Variants in KIF26B observed in about 807,000 individuals in gnomAD.
KIF26B encodes the protein kinesin-like protein KIF26B.
In KIF26B, 63 loss-of-function variants were observed where a neutral mutation model predicts 151.2. That is an observed-to-expected ratio of 0.42 (90% CI 0.34 to 0.51). The LOEUF (loss-of-function observed/expected upper bound fraction) is 0.51, where lower values mean the gene tolerates loss of function less well. Ranked by LOEUF, KIF26B falls within the 20% of genes least tolerant of loss-of-function variation. KIF26B has a pLI of 0.07. For missense variants in KIF26B, 2,813 were observed against 2,913.6 expected, an observed-to-expected ratio of 0.97 and a Z score of 0.79; for synonymous variants, 1,357 against 1,262.1, an observed-to-expected ratio of 1.08 and a Z score of -1.59.
intron 2 of KIF26B, among the ~76,000 whole-genome samples, chr1:245,249,896 T>A (rs1670410876): frequency 6.6e-6 from 1 of 152,198 alleles, no homozygotes; most frequent in South Asian, 2.1e-4. Context: ...AAGGCAACCT[T>A]ACCTAGATTA....
chr1:245,576,288 G>C (rs1188252410), intron 5 of KIF26B, among the ~76,000 whole-genome samples: 1 of 152,206 alleles, frequency 6.6e-6, no homozygotes, highest in Non-Finnish European at 1.5e-5. Context: ...CCATCTATAC[G>C]TGAAGTGTCA....
chr1:245,440,234 A>C (rs573314575), intron 4 of KIF26B, among the ~76,000 whole-genome samples: 1,704 of 152,012 alleles, frequency 0.011, 32 homozygotes, highest in African/African-American at 0.039. Flanking sequence ...AAAAAAAAAA[A>C]CTAAAAGGTT....
Position 245,442,566 on chromosome 1 carries a change from G to A in KIF26B, c.1166+22821G>A, listed in dbSNP as rs114339173. Among the ~76,000 whole-genome samples, 514 of 152,284 alleles carry A rather than the reference G, an allele frequency of 3.4e-3. 1 individual carries two copies. Among genetic ancestry groups the A allele is most frequent in the African/African-American group, 0.012 (481 of 41,532 alleles). On this transcript the variant is annotated intron_variant, in intron 4 of 14. Coordinates refer to ENST00000407071, the MANE Select transcript of KIF26B (RefSeq NM_018012.4). ...TGAGTCCTTTCTCAGGCAAAATCCG[G>A]TGGACAGCGGCTTTTAGCTTCAGCC... is the stretch of plus-strand genomic sequence containing the variant.
intron 2 of KIF26B, among the ~76,000 whole-genome samples, chr1:245,258,690 G>A (rs146562837): frequency 2.2e-4 from 34 of 152,244 alleles, no homozygotes; most frequent in African/African-American, 7.9e-4. Context: ...TGGGGTAACA[G>A]TACACTGGGG....
At chr1:245,555,846 G>T (rs951529019) in intron 5 of KIF26B, among the ~76,000 whole-genome samples, 1 of 152,114 alleles carries the variant, frequency 6.6e-6, no homozygotes, top group African/African-American at 2.4e-5. Context: ...TGAGGACTTG[G>T]GGGGGTTCAT....
At chr1:245,294,536 A>T (rs72761112) in intron 2 of KIF26B, among the ~76,000 whole-genome samples, 6,841 of 152,326 alleles carry the variant, frequency 0.045, 192 homozygotes, top group African/African-American at 0.075. Flanking sequence ...CCAGGTATGT[A>T]GCAGGCTTTT....
At chr1:245,217,034 C>A (rs940450386) in intron 2 of KIF26B, among the ~76,000 whole-genome samples, 2 of 152,212 alleles carry the variant, frequency 1.3e-5, no homozygotes, top group Non-Finnish European at 2.9e-5. Context: ...GCCTCAGAGG[C>A]ATCCCGCCCA....
rs1216854177 is a variant in KIF26B at position 245,358,005 on chromosome 1, C to A, written c.466-8829C>A. On this transcript the variant is annotated intron_variant, in intron 2 of 14. Transcript: ENST00000407071. This position sits in a 1 kb window ranked among gnomAD's most constrained non-coding sequence, Gnocchi z 4.1. ...CATCATAGCTCACTGCATCCTCAGCCTCCTGGGCTCAAGGGATCCTCCCAC... is the reference window on the plus strand; with the variant it reads ...CATCATAGCTCACTGCATCCTCAGCATCCTGGGCTCAAGGGATCCTCCCAC... 2.0e-5 allele frequency among the ~76,000 whole-genome samples: 3 copies of A among 152,166 alleles called. No homozygotes were observed. The highest frequency in any genetic ancestry group is 7.2e-5 in the African/African-American group (3 of 41,430).
rs756870869 is a variant in KIF26B at position 245,686,217 on chromosome 1, G to A, written c.3234G>A (p.Glu1078=). ...LGIASLSKTS[E]YKPPSSPSQR... is the part of the protein sequence containing the mutation. ...TCGCCAGCCTGTCCAAGACCTCGGA[G>A]TACAAGCCACCCAGCTCTCCTTCCC... is the stretch of plus-strand genomic sequence containing the variant. The change falls in exon 12 of 15, where the codon GAG becomes GAA. Residue 1078 remains glutamate (E), a synonymous_variant. Coordinates refer to ENST00000407071, the MANE Select transcript of KIF26B (RefSeq NM_018012.4). The surrounding 1 kb of genome is among the most constrained non-coding windows in gnomAD (Gnocchi z 5.6). The A allele has an allele frequency of 6.8e-6, 11 of 1,612,690 alleles. No individual in the cohort carries two copies. Among genetic ancestry groups the A allele is most frequent in the Middle Eastern group, 1.6e-4 (1 of 6,062 alleles).
chr1:245,194,209 C>T (rs991930548), intron 2 of KIF26B, among the ~76,000 whole-genome samples: 3 of 152,068 alleles, frequency 2.0e-5, no homozygotes, highest in Admixed American at 6.6e-5. Flanking sequence ...CCTAATTCAT[C>T]GTGGTGGCAC....
intron 2 of KIF26B, among the ~76,000 whole-genome samples, chr1:245,219,290 C>G (rs376768764): frequency 4.6e-5 from 7 of 151,874 alleles, no homozygotes; most frequent in African/African-American, 1.7e-4. Flanking sequence ...AGGTGCCCGC[C>G]ACCACGCGCA....
chr1:245,484,206 A>G, intron 4 of KIF26B, among the ~76,000 whole-genome samples: 1 of 151,820 alleles, frequency 6.6e-6, no homozygotes, highest in East Asian at 1.9e-4. Flanking sequence ...AAGTGTTAAT[A>G]ATGCTGGGTT....
chr1:245,434,533 C>T (rs75466872), intron 4 of KIF26B, among the ~76,000 whole-genome samples: 1,649 of 152,282 alleles, frequency 0.011, 37 homozygotes, highest in African/African-American at 0.038. Context: ...CCACTCCTTG[C>T]CACCTCATCA....
At chr1:245,595,949 T>C (rs2043332747) in intron 5 of KIF26B, among the ~76,000 whole-genome samples, 1 of 152,246 alleles carries the variant, frequency 6.6e-6, no homozygotes, top group East Asian at 1.9e-4. Flanking sequence ...TTTATTTGCA[T>C]AGAGGTGTTC....
chr1:245,507,409 G>A (rs780744451), intron 4 of KIF26B, among the ~76,000 whole-genome samples: 2 of 152,210 alleles, frequency 1.3e-5, no homozygotes, highest in Non-Finnish European at 2.9e-5. Context: ...ACAGGGAAGC[G>A]CTGGAGCATA....
chr1:245,510,576 T>TTCTCTCTCTCTC lies in KIF26B; in HGVS notation c.1167-30163_1167-30152dup, dbSNP rs4021193. Among the ~76,000 whole-genome samples, 247 of 134,088 alleles carry TTCTCTCTCTCTC rather than the reference T, an allele frequency of 1.8e-3. 4 individuals are homozygous for TTCTCTCTCTCTC. The highest frequency in any genetic ancestry group is 6.8e-3 in the African/African-American group (231 of 33,984). The allele number at this position is 134,088 out of a possible 152,430, so 88.0% of individuals were successfully genotyped here. A position where few individuals can be genotyped will look rare whatever the true frequency, so the allele number is the denominator to read the frequency against. ...TCTCGGCTGTCTCTTTTAGCAGAGC[T>TTCTCTCTCTCTC]TCTCTCTCTCTCTCTCTCTCTCTCT... On this transcript the variant is annotated intron_variant, in intron 4 of 14. Transcript: ENST00000407071.
In KIF26B at chr1:245,611,825, C is replaced by T. The variant is rs373277791; in HGVS notation, c.1947C>T (p.Thr649=). Residue 649 remains threonine (T), a synonymous_variant, in exon 9 of 15, where the codon ACC becomes ACT. Coordinates refer to ENST00000407071, the MANE Select transcript of KIF26B (RefSeq NM_018012.4). ...LQNQSELRAP[T]AEKAAFFLDA... ...ACCAGAGCGAGCTGCGGGCCCCCACCGCAGAGAAGGCTGCCTTTTTCCTGG... is the reference window on the plus strand; with the variant it reads ...ACCAGAGCGAGCTGCGGGCCCCCACTGCAGAGAAGGCTGCCTTTTTCCTGG... The T allele has an allele frequency of 9.0e-5, 146 of 1,613,814 alleles. No individual in the cohort carries two copies. Among genetic ancestry groups the T allele is most frequent in the Middle Eastern group, 8.3e-4 (5 of 6,052 alleles).
intron 4 of KIF26B, among the ~76,000 whole-genome samples, chr1:245,487,204 T>C (rs1660302386): frequency 6.6e-6 from 1 of 152,214 alleles, no homozygotes; most frequent in Admixed American, 6.5e-5. Flanking sequence ...CTTTCTGACA[T>C]GGTCTTTTGC....
At chr1:245,484,769 A>C (rs200379254) in intron 4 of KIF26B, among the ~76,000 whole-genome samples, 255 of 122,880 alleles carry the variant, frequency 2.1e-3, no homozygotes, top group African/African-American at 5.6e-3. Flanking sequence ...TCTTCTTCAT[A>C]TTATTATTAT....
Sources: allele counts gnomAD v4.1 joint callset (sites outside exome capture counted in the v4.1 genomes callset), GRCh38; gene constraint gnomAD v4.1.1; non-coding constraint Gnocchi (gnomAD v3.1); transcripts MANE v1.5; gene names NCBI Gene and HGNC (gene_info 2026-07-23, HGNC 2026-07-21).